Variants in KNTC1 observed in about 807,000 individuals in gnomAD.
KNTC1 encodes the protein kinetochore-associated protein 1.
In KNTC1, 253 loss-of-function variants were observed where a neutral mutation model predicts 314.4. That is an observed-to-expected ratio of 0.80 (90% confidence interval 0.73 to 0.89). The LOEUF is 0.89. KNTC1 is among the 40% of genes least tolerant of loss of function. The probability of loss-of-function intolerance (pLI) is 0.00; values close to 1 mark genes in which losing one functional copy is unlikely to be tolerated. For missense variants in KNTC1, 2,475 were observed against 2,572.9 expected, an observed-to-expected ratio of 0.96 and a Z score of 0.82; for synonymous variants, 901 against 901.4, an observed-to-expected ratio of 1.00 and a Z score of 0.01.
intron 53 of KNTC1, among the ~76,000 whole-genome samples, chr12:122,612,717 C>T (rs564695728): frequency 6.6e-6 from 1 of 152,240 alleles, no homozygotes; most frequent in Non-Finnish European, 1.5e-5. Flanking sequence ...TGTGCCCGGC[C>T]ACCTCTTTGG....
chr12:122,548,431 A>G (rs944379939), intron 12 of KNTC1, among the ~76,000 whole-genome samples: 9 of 151,988 alleles, frequency 5.9e-5, no homozygotes, highest in African/African-American at 7.2e-5. Context: ...GCCGGTCTCT[A>G]TCTCCTGACC....
At chr12:122,624,710 T>C (rs1234328427) in intron 63 of KNTC1, 22 bp downstream of exon 63, 4 of 1,555,602 alleles carry the variant, frequency 2.6e-6, no homozygotes, top group Non-Finnish European at 3.5e-6. Context: ...GGAAAGTTCT[T>C]AGGTTCTAAC....
At chr12:122,560,683 T>C (rs1039012169) in intron 18 of KNTC1, among the ~76,000 whole-genome samples, 6 of 152,200 alleles carry the variant, frequency 3.9e-5, no homozygotes, top group Admixed American at 1.3e-4. Flanking sequence ...TAATTCTCTT[T>C]TAAATTTTTT....
Position 122,539,690 on chromosome 12 carries a change from A to C in KNTC1, c.381A>C (p.Lys127Asn). The change falls in exon 5 of 64, where the codon AAA (lysine) becomes AAC (asparagine). Residue 127 changes from lysine to asparagine, a missense_variant. Coordinates refer to ENST00000333479, the MANE Select transcript of KNTC1 (RefSeq NM_014708.6). ...QTLLTNAFVQKANDENRRTYQ... is the reference protein window; with the variant it reads ...QTLLTNAFVQNANDENRRTYQ... The stretch of plus-strand genomic sequence containing the variant: ...TTTGCATTTAGGCATTTGTTCAGAA[A>C]GCTAACGATGAAAATCGGCGGACTT... The C allele has an allele frequency of 6.4e-7, 1 of 1,574,332 alleles. No individual in the cohort carries two copies.
Position 122,546,183 on chromosome 12 carries a change from G to A in KNTC1, c.677G>A (p.Gly226Asp). 6.2e-7 allele frequency: 1 copy of A among 1,604,120 alleles called. No individual in the cohort carries two copies. Among genetic ancestry groups the A allele is most frequent in the African/African-American group, 1.3e-5 (1 of 74,786 alleles). The change falls in exon 9 of 64, where the codon GGT (glycine) becomes GAT (aspartate). Residue 226 changes from glycine to aspartate, a missense_variant. Physicochemically the swap from Gly to Asp is moderately conservative, Grantham distance 94. Coordinates refer to ENST00000333479, the MANE Select transcript of KNTC1 (RefSeq NM_014708.6). ...CTGTGTTCATTTTTCCAGGGAACCG[G>A]TAATTGTGCATTCTCAAAATGGGAA... ...SEVPVIIGGTGNCAFSKWEPD... is the reference protein window; with the variant it reads ...SEVPVIIGGTDNCAFSKWEPD...
intron 56 of KNTC1, 134 bp downstream of exon 56, chr12:122,615,220 C>A: frequency 2.6e-6 from 2 of 776,114 alleles, no homozygotes; most frequent in Non-Finnish European, 4.1e-6. Flanking sequence ...GAGCTCATGC[C>A]AAACTTAAAG....
intron 31 of KNTC1, 76 bp from the exon 32 acceptor site, chr12:122,579,829 G>T (rs1965283550): frequency 2.1e-6 from 2 of 944,868 alleles, no homozygotes; most frequent in Admixed American, 2.3e-5. Flanking sequence ...TGTGGTTTTT[G>T]TGTATTTGTA....
rs143866658 is a variant in KNTC1, at chr12:122,527,911, C to T, written c.-74+560C>T. Among the ~76,000 whole-genome samples, 17 of 152,346 alleles carry T rather than the reference C, an allele frequency of 1.1e-4. No homozygotes were observed. The East Asian group carries it at 3.3e-3, about 29-fold the overall frequency. ...TTCTTCAGCGACGCCTCACCTTATC[C>T]ATTTAATCACTGTTTCCTTCAAATC... On this transcript the variant is annotated intron_variant, in intron 1 of 63. Coordinates refer to ENST00000333479, the MANE Select transcript of KNTC1 (RefSeq NM_014708.6).
At chr12:122,580,005 C>CG in intron 32 of KNTC1, 28 bp downstream of exon 32, 1 of 1,476,922 alleles carries the variant, frequency 6.8e-7, no homozygotes, top group Non-Finnish European at 9.5e-7. Flanking sequence ...TTTCTCATCT[C>CG]AGTTTTGTTC....
At chr12:122,620,651 G>C in intron 60 of KNTC1, 43 bp downstream of exon 60, 2 of 1,598,986 alleles carry the variant, frequency 1.3e-6, no homozygotes, top group Non-Finnish European at 1.7e-6. Flanking sequence ...GGAAATAGAA[G>C]GTTTCATCTT....
At chr12:122,619,753 A>G (rs1329934779) in intron 59 of KNTC1, among the ~76,000 whole-genome samples, 1 of 152,098 alleles carries the variant, frequency 6.6e-6, no homozygotes, top group African/African-American at 2.4e-5. Context: ...TATTTTTACA[A>G]TGTCTACTTC....
intron 42 of KNTC1, chr12:122,592,826 C>G (rs564631688): frequency 1.3e-5 from 2 of 152,438 alleles, no homozygotes; most frequent in East Asian, 3.9e-4. Context: ...GCAACCCGCT[C>G]GGGTCCCCTT....
At position 122,557,519 on chromosome 12, in the gene KNTC1, TC is replaced by T. The variant is rs764727196; in HGVS notation, c.1398+11del. On this transcript the variant is annotated intron_variant, in intron 17 of 63. Transcript: ENST00000333479. Reference sequence around the variant, plus strand: ...TCTACATAAGATCCAGGTATGTTTTTCTTGTCACATACTACAGTATTTAGAT... The same window carrying T: ...TCTACATAAGATCCAGGTATGTTTTTTTGTCACATACTACAGTATTTAGAT... 1.2e-6 allele frequency: 2 copies of T among 1,613,326 alleles called. No individual in the cohort carries two copies. The highest frequency in any genetic ancestry group is 1.7e-6 in the Non-Finnish European group (2 of 1,179,536).
chr12:122,536,710 G>A (rs1237449145), intron 3 of KNTC1, among the ~76,000 whole-genome samples: 1 of 151,842 alleles, frequency 6.6e-6, no homozygotes, highest in Non-Finnish European at 1.5e-5. Context: ...GTAGGGTCAG[G>A]TTTCACCATG....
At chr12:122,584,106 AG>A (rs1393645853) in intron 34 of KNTC1, among the ~76,000 whole-genome samples, 171 bp from the exon 35 acceptor site, 1 of 152,200 alleles carries the variant, frequency 6.6e-6, no homozygotes, top group Non-Finnish European at 1.5e-5. Context: ...CCTAGGCGAT[AG>A]GGCTAGAGCC....
chr12:122,614,585 G>T (rs145765217), intron 55 of KNTC1, among the ~76,000 whole-genome samples: 287 of 152,152 alleles, frequency 1.9e-3, no homozygotes, highest in Non-Finnish European at 3.4e-3. Flanking sequence ...TCACAGATTA[G>T]AAGCATATTT....
At chr12:122,570,238 C>G (rs1308752745) in intron 22 of KNTC1, among the ~76,000 whole-genome samples, 1 of 151,686 alleles carries the variant, frequency 6.6e-6, no homozygotes, top group Non-Finnish European at 1.5e-5. Flanking sequence ...AAAGAATGAG[C>G]CTGGGTGCAG....
chr12:122,562,497 G>A (rs1964043928), intron 19 of KNTC1, 141 bp from the exon 20 acceptor site: 2 of 595,550 alleles, frequency 3.4e-6, no homozygotes, highest in Non-Finnish European at 6.2e-6. Context: ...GTGAAATAAA[G>A]GCAGTCCTAT....
chr12:122,594,416 C>T, intron 43 of KNTC1, 31 bp downstream of exon 43: 1 of 1,249,768 alleles, frequency 8.0e-7, no homozygotes, highest in Non-Finnish European at 1.2e-6. Context: ...GGTATTTTTG[C>T]TGTTAACAAA....
Sources: gnomAD v4.1 joint callset for allele counts (sites outside exome capture counted in the v4.1 genomes callset) on GRCh38, gnomAD v4.1.1 for gene constraint, MANE v1.5 for transcripts, NCBI Gene and HGNC (gene_info 2026-07-23, HGNC 2026-07-21) for gene names.